Variants in LIPA observed in about 807,000 individuals in gnomAD.
LIPA encodes lipase A, lysosomal acid type, also known as lysosomal acid lipase/cholesteryl ester hydrolase.
Under a neutral mutation model 40.6 loss-of-function variants are expected in LIPA, and 26 were observed. The ratio of observed to expected loss-of-function variants is 0.64; its 90% confidence interval spans 0.47 to 0.89. The LOEUF (loss-of-function observed/expected upper bound fraction) is 0.89. LIPA is among the 40% of genes least tolerant of loss of function. The pLI is 0.00. For missense variants in LIPA, 455 were observed against 479.6 expected (o/e 0.95, Z 0.48); for synonymous variants, 188 against 168.4 (o/e 1.12, Z -0.90).
chr10:89,297,308 C>G (rs981848678), intron 1 of LIPA, among the ~76,000 whole-genome samples: 2 of 152,140 alleles, frequency 1.3e-5, no homozygotes, highest in African/African-American at 4.8e-5. Context: ...TTTGGAGACC[C>G]CACAAGGGTA....
chr10:89,328,085 G>C, intron 1 of LIPA: 1 of 1,613,856 alleles, frequency 6.2e-7, no homozygotes, highest in Non-Finnish European at 8.5e-7. Flanking sequence ...TGAGGTCAGT[G>C]AAATAAGAAT....
At chr10:89,275,946 A>G (rs982177834) in intron 1 of LIPA, among the ~76,000 whole-genome samples, 1 of 152,184 alleles carries the variant, frequency 6.6e-6, no homozygotes, top group Non-Finnish European at 1.5e-5. Context: ...CTATTTTAAT[A>G]CTATCTTTGA....
At chr10:89,270,704 C>A (rs933079166) in intron 1 of LIPA, among the ~76,000 whole-genome samples, 2 of 152,160 alleles carry the variant, frequency 1.3e-5, no homozygotes, top group African/African-American at 2.4e-5. Flanking sequence ...CAAGAGAATG[C>A]AACAGCTCTA....
At chr10:89,240,843 C>T (rs947629784) in intron 3 of LIPA, among the ~76,000 whole-genome samples, 1 of 152,100 alleles carries the variant, frequency 6.6e-6, no homozygotes, top group Non-Finnish European at 1.5e-5. Flanking sequence ...ACTATTAAAT[C>T]GCAATGTCAC....
rs556763795 is a variant in LIPA at position 89,406,941 on chromosome 10, C to T, written c.61+5850G>A. Among the ~76,000 whole-genome samples the T allele has an allele frequency of 7.2e-5, 11 of 152,246 alleles. No homozygotes were observed. The East Asian group carries it at 9.6e-4, about 13-fold the overall frequency. ...ATTCATCCTATTTTTCCTTAGAATT[C>T]GGGGGCTAAATACTGGGCACCTGTC... is the stretch of plus-strand genomic sequence containing the variant. On this transcript the variant is annotated intron_variant, in intron 2 of 8. Coordinates refer to the LIPA transcript ENST00000371837.
At chr10:89,393,159 C>CT in intron 2 of LIPA, 1 of 1,291,080 alleles carries the variant, frequency 7.7e-7, no homozygotes, top group Non-Finnish European at 1.0e-6. Flanking sequence ...AAGCCTCAGT[C>CT]TTGCAGCCTC....
intron 2 of LIPA, among the ~76,000 whole-genome samples, chr10:89,411,497 A>C (rs576534668): frequency 3.8e-4 from 58 of 152,368 alleles, no homozygotes; most frequent in Non-Finnish European, 7.1e-4. Flanking sequence ...ATAGCAAAGA[A>C]TAATTGAAAT....
chr10:89,326,723 T>A (rs987176678), intron 1 of LIPA, among the ~76,000 whole-genome samples: 4 of 152,164 alleles, frequency 2.6e-5, no homozygotes, highest in Non-Finnish European at 5.9e-5. Context: ...CCACAAAAAA[T>A]TTTTAAAAAT....
At chr10:89,372,751 T>C (rs1373327538) in intron 2 of LIPA, among the ~76,000 whole-genome samples, 1 of 152,218 alleles carries the variant, frequency 6.6e-6, no homozygotes, top group Non-Finnish European at 1.5e-5. Flanking sequence ...AACTTCTTTT[T>C]TCAGCTCAAT....
chr10:89,399,518 G>A (rs1844391324), intron 2 of LIPA, among the ~76,000 whole-genome samples: 2 of 152,062 alleles, frequency 1.3e-5, no homozygotes, highest in South Asian at 4.2e-4. Flanking sequence ...TTACATTTAG[G>A]TCTTTCATCC....
intron 1 of LIPA, among the ~76,000 whole-genome samples, chr10:89,326,398 C>T (rs1481649323): frequency 6.6e-6 from 1 of 151,378 alleles, no homozygotes; most frequent in Non-Finnish European, 1.5e-5. Flanking sequence ...GACAATTGAA[C>T]TTATGGAGAT....
At chr10:89,316,659 A>G (rs999924039) in intron 1 of LIPA, among the ~76,000 whole-genome samples, 1 of 152,230 alleles carries the variant, frequency 6.6e-6, no homozygotes, top group Admixed American at 6.5e-5. Flanking sequence ...GCTGAACAAA[A>G]GGCAGCAGAA....
At chr10:89,253,603 CAT>C (rs773379282), upstream of LIPA, among the ~76,000 whole-genome samples, 5 of 152,214 alleles carry the variant, frequency 3.3e-5, no homozygotes, top group Non-Finnish European at 7.3e-5. Flanking sequence ...TCCCAAATCT[CAT>C]GTCCTCACAT....
intron 2 of LIPA, among the ~76,000 whole-genome samples, chr10:89,373,751 A>G (rs532954853): frequency 6.6e-6 from 1 of 152,348 alleles, no homozygotes; most frequent in African/African-American, 2.4e-5. Flanking sequence ...TTGGAAAAGT[A>G]TCTGTGAAAC....
chr10:89,247,472 G>T, intron 2 of LIPA, 66 bp downstream of exon 2: 2 of 811,502 alleles, frequency 2.5e-6, no homozygotes, highest in East Asian at 3.1e-5. Flanking sequence ...ATGGCTTCAT[G>T]TAGCTCACAT....
At chr10:89,220,184 C>T (rs966835689) in intron 8 of LIPA, among the ~76,000 whole-genome samples, 3 of 152,206 alleles carry the variant, frequency 2.0e-5, no homozygotes, top group Non-Finnish European at 4.4e-5. Flanking sequence ...GGGCCTCTGA[C>T]ATCCCAGGTC....
chr10:89,396,797 A>G (rs186051207), intron 2 of LIPA, among the ~76,000 whole-genome samples: 1 of 152,292 alleles, frequency 6.6e-6, no homozygotes, highest in Non-Finnish European at 1.5e-5. Context: ...GTGATAGCTC[A>G]TGGTTTTGGT....
chr10:89,411,530 C>A (rs770285696), intron 2 of LIPA, among the ~76,000 whole-genome samples: 11 of 152,218 alleles, frequency 7.2e-5, no homozygotes, highest in Non-Finnish European at 1.5e-4. Flanking sequence ...AGGTTTTCAA[C>A]TAACGTAAAG....
At chr10:89,234,895 A>T (rs1417305719) in intron 3 of LIPA, among the ~76,000 whole-genome samples, 2 of 152,390 alleles carry the variant, frequency 1.3e-5, no homozygotes, top group East Asian at 3.9e-4. Context: ...GCCATTTAAC[A>T]GAACAGGGAA....
Sources: allele counts gnomAD v4.1 joint callset (sites outside exome capture counted in the v4.1 genomes callset), GRCh38; gene constraint gnomAD v4.1.1; transcripts MANE v1.5; gene names NCBI Gene and HGNC (gene_info 2026-07-23, HGNC 2026-07-21).